HK1: variants seen among roughly 807,000 people sequenced by gnomAD.
The protein encoded by HK1 is hexokinase-1.
In HK1, 28 loss-of-function variants were observed where a neutral mutation model predicts 91.6. The ratio of observed to expected loss-of-function variants is 0.31; its 90% confidence interval spans 0.23 to 0.42. The LOEUF is 0.42. HK1 is among the 10% of genes least tolerant of loss of function. HK1 has a pLI of 1.00. For synonymous variants in HK1, 430 were observed against 468.1 expected (o/e 0.92, Z 1.05); for missense variants, 770 against 1,219.8 (o/e 0.63, Z 5.49).
intron 1 of HK1, among the ~76,000 whole-genome samples, chr10:69,276,090 CAAAAAAAAAAAAA>C (rs60324656): frequency 4.4e-4 from 7 of 15,946 alleles, no homozygotes; most frequent in African/African-American, 1.1e-3. Context: ...AACTCCTTTT[CAAAAAAAAAAAAA>C]AAAAAAAAAA....
intron 1 of HK1, among the ~76,000 whole-genome samples, chr10:69,278,023 G>A (rs1005319091): frequency 7.1e-6 from 1 of 140,356 alleles, no homozygotes; most frequent in East Asian, 2.2e-4. Context: ...ACAACAGCGA[G>A]ACTCCGTCTC....
At chr10:69,345,333 T>G (rs1209246505) in intron 2 of HK1, among the ~76,000 whole-genome samples, 1 of 152,184 alleles carries the variant, frequency 6.6e-6, no homozygotes, top group Non-Finnish European at 1.5e-5. Context: ...ACTGAAGAGA[T>G]TCTGGCCATC....
chr10:69,364,175 C>T (rs923035451), intron 3 of HK1, among the ~76,000 whole-genome samples: 2 of 152,176 alleles, frequency 1.3e-5, no homozygotes, highest in Admixed American at 1.3e-4. Flanking sequence ...TTCTCCATCT[C>T]GTGTTTCTCC....
intron 4 of HK1, chr10:69,300,322 T>C (rs371268166): frequency 2.0e-4 from 77 of 393,080 alleles, no homozygotes; most frequent in East Asian, 1.7e-3. Context: ...TTGTGTCTGG[T>C]TTTAATATTT....
intron 12 of HK1, 57 bp downstream of exon 12, chr10:69,384,972 G>A (rs781730325): frequency 4.4e-6 from 7 of 1,605,846 alleles, no homozygotes; most frequent in Non-Finnish European, 6.0e-6. Context: ...CCTGTGGCCT[G>A]GGTGGGCTGG....
At position 69,380,179 on chromosome 10, in the gene HK1, T is replaced by G. The variant is rs1839318834; in HGVS notation, c.1265+84T>G. On this transcript the variant is annotated intron_variant, in intron 9 of 17. Coordinates refer to ENST00000359426, the MANE Select transcript of HK1 (RefSeq NM_000188.3). The surrounding 1 kb of genome is among the most constrained non-coding windows in gnomAD (Gnocchi z 4.0). Reference sequence around the variant, plus strand: ...CCAGAGATCAGACTTTTGTACCCGGTAAACGTTTTTCGGCAGACAAGACAA... The same window carrying G: ...CCAGAGATCAGACTTTTGTACCCGGGAAACGTTTTTCGGCAGACAAGACAA... The G allele has an allele frequency of 8.7e-7, 1 of 1,147,622 alleles. No individual in the cohort carries two copies. Among genetic ancestry groups the G allele is most frequent in the Non-Finnish European group, 1.3e-6 (1 of 769,046 alleles). 71.1% of individuals were successfully genotyped at this position (1,147,622 alleles called of 1,614,324 possible).
intron 2 of HK1, among the ~76,000 whole-genome samples, chr10:69,346,450 G>C (rs959756938): frequency 5.3e-5 from 8 of 152,098 alleles, no homozygotes; most frequent in African/African-American, 1.9e-4. Context: ...AAACATATCT[G>C]ATACATACAT....
chr10:69,367,656 C>T (rs1282585825), intron 4 of HK1, among the ~76,000 whole-genome samples: 1 of 152,120 alleles, frequency 6.6e-6, no homozygotes, highest in African/African-American at 2.4e-5. Flanking sequence ...CCACCGTGAG[C>T]TGGGGCGGGG....
chr10:69,302,872 T>C (rs1024172269), intron 5 of HK1, among the ~76,000 whole-genome samples: 3 of 152,064 alleles, frequency 2.0e-5, no homozygotes, highest in African/African-American at 7.2e-5. Flanking sequence ...GTGGAGCCCA[T>C]GGGAGTGGAA....
chr10:69,289,764 AC>A (rs1425384753), intron 3 of HK1, among the ~76,000 whole-genome samples: 2 of 134,422 alleles, frequency 1.5e-5, no homozygotes, highest in African/African-American at 5.6e-5. Flanking sequence ...GAGCTACTGC[AC>A]CCGGCCAATT....
rs1426672139 is a variant in HK1, at chr10:69,276,118, A to ATATATATATATAT, written c.-391+6010_-391+6011insTATATATATATAT. Among the ~76,000 whole-genome samples the ATATATATATATAT allele has an allele frequency of 2.4e-3, 92 of 38,256 alleles. 2 individuals carry two copies. Among genetic ancestry groups the ATATATATATATAT allele is most frequent in the East Asian group, 0.013 (9 of 694 alleles). 25.1% of individuals were successfully genotyped at this position (38,256 alleles called of 152,430 possible). On this transcript the variant is annotated intron_variant, in intron 1 of 21. Coordinates refer to the HK1 transcript ENST00000360289. ...AAAAAAAAAAAAAAAAAAAAAAAAA[A>ATATATATATATAT]ATACATATATATATATATATACACA...
At chr10:69,322,523 A>G (rs1847098323) in intron 1 of HK1, among the ~76,000 whole-genome samples, 1 of 152,126 alleles carries the variant, frequency 6.6e-6, no homozygotes, top group African/African-American at 2.4e-5. Context: ...TAGGCTTAGC[A>G]ATTAAAGGGT....
intron 1 of HK1, among the ~76,000 whole-genome samples, chr10:69,325,693 T>C (rs1412056029): frequency 2.0e-5 from 3 of 151,154 alleles, no homozygotes; most frequent in Non-Finnish European, 4.4e-5. Context: ...CCTGCCACCA[T>C]GCCCGGCTAA....
intron 5 of HK1, among the ~76,000 whole-genome samples, chr10:69,303,824 T>C (rs1261852585): frequency 6.6e-6 from 1 of 152,252 alleles, no homozygotes; most frequent in Non-Finnish European, 1.5e-5. Context: ...GTTTTACTAT[T>C]ACTCAAATCA....
intron 13 of HK1, among the ~76,000 whole-genome samples, chr10:69,388,871 G>A (rs1283389256): frequency 6.6e-6 from 1 of 151,960 alleles, no homozygotes; most frequent in Non-Finnish European, 1.5e-5. Flanking sequence ...CCCTCTGAAA[G>A]GCCATAATGC....
intron 14 of HK1, among the ~76,000 whole-genome samples, 179 bp from the exon 15 acceptor site, chr10:69,391,946 A>ACTCT (rs751483266): frequency 6.6e-6 from 1 of 152,052 alleles, no homozygotes; most frequent in Non-Finnish European, 1.5e-5. Context: ...TGTGGCTCAG[A>ACTCT]CTCTCCATTT....
chr10:69,333,652 G>A (rs891136703), intron 1 of HK1, among the ~76,000 whole-genome samples: 1 of 151,990 alleles, frequency 6.6e-6, no homozygotes, highest in Non-Finnish European at 1.5e-5. Context: ...GCTTGCTGGG[G>A]GCCTGGGGCA....
intron 2 of HK1, among the ~76,000 whole-genome samples, chr10:69,351,889 CAG>C (rs1305088631): frequency 5.7e-4 from 87 of 152,254 alleles, no homozygotes; most frequent in African/African-American, 1.1e-3. Context: ...CAGAAAGACT[CAG>C]TGAATGTTAG....
rs563132407 is a variant in HK1 at position 69,328,778 on chromosome 10, A to G, written c.63+9768A>G. 3.9e-5 allele frequency among the ~76,000 whole-genome samples: 6 copies of G among 152,152 alleles called. No homozygotes were observed. The South Asian group carries it at 1.3e-3, about 32-fold the overall frequency. On this transcript the variant is annotated intron_variant, in intron 1 of 17. Coordinates refer to ENST00000359426, the MANE Select transcript of HK1 (RefSeq NM_000188.3). Reference sequence around the variant, plus strand: ...TTTTCATCACCCTCCGAAAAAAACTACCCGTTAGCAGTCACTTCCCATTTC... The same window carrying G: ...TTTTCATCACCCTCCGAAAAAAACTGCCCGTTAGCAGTCACTTCCCATTTC...
Sources: gnomAD v4.1 joint callset for allele counts (sites outside exome capture counted in the v4.1 genomes callset) on GRCh38, gnomAD v4.1.1 for gene constraint, Gnocchi (gnomAD v3.1) non-coding constraint, MANE v1.5 for transcripts, NCBI Gene and HGNC (gene_info 2026-07-23, HGNC 2026-07-21) for gene names.